Variants in PCDHGA6 observed in about 807,000 individuals in gnomAD.
PCDHGA6 encodes the protein protocadherin gamma subfamily A, 6.
Under a neutral mutation model 60.6 loss-of-function variants are expected in PCDHGA6, and 41 were observed. That is an observed-to-expected ratio of 0.68 (90% CI 0.53 to 0.88). The LOEUF (loss-of-function observed/expected upper bound fraction) is 0.88, where lower values mean the gene tolerates loss of function less well. Ranked by LOEUF, PCDHGA6 falls within the 40% of genes least tolerant of loss-of-function variation. The pLI is 0.00. For synonymous variants in PCDHGA6, 594 were observed against 524.4 expected (o/e 1.13, Z -1.81); for missense variants, 1,312 against 1,203.0 (o/e 1.09, Z -1.34).
rs1771211157 is a variant in PCDHGA6 at position 141,375,175 on chromosome 5, A to C, written c.1092A>C (p.Thr364=). 1 of 1,614,024 alleles carries C rather than the reference A, an allele frequency of 6.2e-7. No homozygotes were observed. Among genetic ancestry groups the C allele is most frequent in the Non-Finnish European group, 8.5e-7 (1 of 1,179,902 alleles). The change falls in exon 1 of 4, where the codon ACA becomes ACC. Residue 364 remains threonine (T), a synonymous_variant. Coordinates refer to ENST00000517434, the MANE Select transcript of PCDHGA6 (RefSeq NM_018919.3). The part of the protein sequence containing the change: ...RTIAESAPPG[T]VIALFQVFDR... ...TTGCTGAAAGTGCACCTCCAGGAACAGTAATCGCCCTTTTTCAAGTGTTCG... is the reference window on the plus strand; with the variant it reads ...TTGCTGAAAGTGCACCTCCAGGAACCGTAATCGCCCTTTTTCAAGTGTTCG...
chr5:141,401,770 T>C (rs975272408), intron 1 of PCDHGA6, among the ~76,000 whole-genome samples: 2 of 152,202 alleles, frequency 1.3e-5, no homozygotes, highest in African/African-American at 4.8e-5. Context: ...TATAAGTCTT[T>C]TGCTTGGTTT....
At position 141,430,677 on chromosome 5, in the gene PCDHGA6, T is replaced by C. The variant is rs888907330; in HGVS notation, c.2424+54170T>C. On this transcript the variant is annotated intron_variant, in intron 1 of 3. Coordinates refer to ENST00000517434, the MANE Select transcript of PCDHGA6 (RefSeq NM_018919.3). ...AACGGAGGAGCTCTGACTTCCCAAC[T>C]GTCCCATTCTATGGGCGAAGGAACT... 1.2e-5 allele frequency: 15 copies of C among 1,303,020 alleles called. No individual in the cohort carries two copies. In the African/African-American group the frequency reaches 2.1e-4, roughly 18 times the overall value. The allele number at this position is 1,303,020 out of a possible 1,614,324, so 80.7% of individuals were successfully genotyped here. A position where few individuals can be genotyped will look rare whatever the true frequency, so the allele number is the denominator to read the frequency against.
intron 1 of PCDHGA6, among the ~76,000 whole-genome samples, chr5:141,387,464 C>T (rs2240699): frequency 0.55 from 83,096 of 152,122 alleles, 25,275 homozygotes; most frequent in African/African-American, 0.83. Context: ...CCTAAAAATC[C>T]TCAAAGTTGG....
intron 1 of PCDHGA6, chr5:141,398,413 T>G (rs774602022): frequency 1.3e-6 from 2 of 1,490,692 alleles, no homozygotes; most frequent in South Asian, 1.1e-5. Context: ...GGAGGAGATA[T>G]GCGGGAAGAA....
chr5:141,479,035 C>A (rs2099486361), intron 1 of PCDHGA6, among the ~76,000 whole-genome samples: 1 of 152,104 alleles, frequency 6.6e-6, no homozygotes, highest in Non-Finnish European at 1.5e-5. Context: ...TTATACAGAT[C>A]GTGTACCTCA....
Position 141,493,760 on chromosome 5 carries a change from G to C in PCDHGA6, c.2425-1047G>C, listed in dbSNP as rs1268832909. On this transcript the variant is annotated intron_variant, in intron 1 of 3. Coordinates refer to ENST00000517434, the MANE Select transcript of PCDHGA6 (RefSeq NM_018919.3). The surrounding 1 kb of genome is among the most constrained non-coding windows in gnomAD (Gnocchi z 4.3). ...ACTGCCACCTGTGAGCCTTGAGTGA[G>C]CCACTGGCAGTTCCGGAGCTTCCTT... Among the ~76,000 whole-genome samples, 1 of 152,166 alleles carries C rather than the reference G, an allele frequency of 6.6e-6. No individual in the cohort carries two copies. The highest frequency in any genetic ancestry group is 1.5e-5 in the Non-Finnish European group (1 of 68,022).
rs183831513 is a variant in PCDHGA6 at position 141,497,605 on chromosome 5, T to A, written c.2483+2740T>A. ...CCCAAGCTGGAGTGCAGTGGTGCGA[T>A]CTTGGCTCACTGCAACCTCTGCCTG... On this transcript the variant is annotated intron_variant, in intron 2 of 3. Coordinates refer to ENST00000517434, the MANE Select transcript of PCDHGA6 (RefSeq NM_018919.3). Among the ~76,000 whole-genome samples, 19 of 151,488 alleles carry A rather than the reference T, an allele frequency of 1.3e-4. No individual in the cohort carries two copies. In the East Asian group the frequency reaches 3.7e-3, roughly 29 times the overall value.
chr5:141,415,502 A>T, intron 1 of PCDHGA6: 1 of 1,614,204 alleles, frequency 6.2e-7, no homozygotes, highest in African/African-American at 1.3e-5. Flanking sequence ...ATCTTCCCCC[A>T]GCCCAATTAT....
intron 1 of PCDHGA6, chr5:141,392,821 C>G: frequency 6.3e-7 from 1 of 1,594,632 alleles, no homozygotes; most frequent in Non-Finnish European, 8.5e-7. Context: ...ACAATGGCCG[C>G]TCCACAGAGT....
chr5:141,427,546 C>T (rs779995777), intron 1 of PCDHGA6: 1 of 639,564 alleles, frequency 1.6e-6, no homozygotes, highest in South Asian at 1.5e-5. Context: ...GTCACCATCA[C>T]TGCCACTGAC....
At chr5:141,389,528 G>T (rs200792478) in intron 1 of PCDHGA6, 2 of 1,613,210 alleles carry the variant, frequency 1.2e-6, no homozygotes, top group Non-Finnish European at 1.7e-6. Flanking sequence ...GCCTGCGCGT[G>T]TTAGTGGACG....
chr5:141,451,536 G>A (rs1183287437), intron 1 of PCDHGA6, among the ~76,000 whole-genome samples: 1 of 152,202 alleles, frequency 6.6e-6, no homozygotes, highest in Non-Finnish European at 1.5e-5. Context: ...GAGAGTGCCA[G>A]AGAGGGCAAA....
chr5:141,395,136 T>A, intron 1 of PCDHGA6: 1 of 1,614,202 alleles, frequency 6.2e-7, no homozygotes, highest in Non-Finnish European at 8.5e-7. Context: ...CCAGCCCAAC[T>A]ACGCAGACAT....
chr5:141,439,013 A>T lies in PCDHGA6; in HGVS notation c.2425-55794A>T, dbSNP rs2098082221. 1.3e-5 allele frequency among the ~76,000 whole-genome samples: 2 copies of T among 151,700 alleles called. 1 individual carries two copies. The highest frequency in any genetic ancestry group is 1.3e-4 in the Admixed American group (2 of 15,214). On this transcript the variant is annotated intron_variant, in intron 1 of 3. Transcript: ENST00000517434. ...GGCTAAGGACCTGGTTTGTTTGTCA[A>T]ATTTTGAAAATAGATGCCTCAGTTC...
intron 1 of PCDHGA6, among the ~76,000 whole-genome samples, chr5:141,451,134 T>C (rs567790185): frequency 9.9e-5 from 15 of 152,254 alleles, no homozygotes; most frequent in African/African-American, 3.6e-4. Context: ...AGCCTTATGA[T>C]TGTATTTAGA....
At position 141,491,679 on chromosome 5, in the gene PCDHGA6, T is replaced by C. The variant is rs111288145; in HGVS notation, c.2425-3128T>C. On this transcript the variant is annotated intron_variant, in intron 1 of 3. Coordinates refer to ENST00000517434, the MANE Select transcript of PCDHGA6 (RefSeq NM_018919.3). This position sits in a 1 kb window ranked among gnomAD's most constrained non-coding sequence, Gnocchi z 6.9. ...CTGACGCCATCCGGTCCCGCTCTAA[T>C]ACGCTGCGGGAGCGGAGCCAGGTGA... is the stretch of plus-strand genomic sequence containing the variant. 21 of 1,613,378 alleles carry C rather than the reference T, an allele frequency of 1.3e-5. No homozygotes were observed. Among genetic ancestry groups the C allele is most frequent in the Middle Eastern group, 1.6e-4 (1 of 6,078 alleles).
intron 1 of PCDHGA6, 82 bp from the exon 2 acceptor site, chr5:141,494,725 C>G: frequency 6.2e-7 from 1 of 1,610,026 alleles, no homozygotes; most frequent in East Asian, 2.2e-5. Flanking sequence ...CCCTCCTTCT[C>G]TCCCGGCCCA....
intron 1 of PCDHGA6, among the ~76,000 whole-genome samples, chr5:141,435,225 A>G (rs919735003): frequency 5.9e-5 from 9 of 152,188 alleles, no homozygotes; most frequent in Non-Finnish European, 1.2e-4. Context: ...CTTTCTTTCA[A>G]AGTTCAGTAA....
chr5:141,477,874 T>G lies in PCDHGA6; in HGVS notation c.2425-16933T>G. On this transcript the variant is annotated intron_variant, in intron 1 of 3. Coordinates refer to ENST00000517434, the MANE Select transcript of PCDHGA6 (RefSeq NM_018919.3). This position sits in a 1 kb window ranked among gnomAD's most constrained non-coding sequence, Gnocchi z 4.9. ...AGATGCTGCCTCGAGGTACCTCAGC[T>G]GGCCACCTAGTGTCACGGGTGGTAG... 1 of 1,614,176 alleles carries G rather than the reference T, an allele frequency of 6.2e-7. No individual in the cohort carries two copies. The highest frequency in any genetic ancestry group is 8.5e-7 in the Non-Finnish European group (1 of 1,180,028).
Sources: allele counts gnomAD v4.1 joint callset (sites outside exome capture counted in the v4.1 genomes callset), GRCh38; gene constraint gnomAD v4.1.1; non-coding constraint Gnocchi (gnomAD v3.1); transcripts MANE v1.5; gene names NCBI Gene and HGNC (gene_info 2026-07-23, HGNC 2026-07-21).